The following MTUS2 variants were observed in gnomAD, a reference collection of about 807,000 sequenced individuals.
MTUS2 encodes microtubule-associated tumor suppressor candidate 2.
MTUS2 carries 40 observed loss-of-function variants against 114.1 expected under a neutral mutation model. That is an observed-to-expected ratio of 0.35 (90% CI 0.27 to 0.46). The LOEUF (loss-of-function observed/expected upper bound fraction) is 0.46. Among genes scored for constraint, MTUS2 ranks in the 20% least tolerant of loss-of-function variants. MTUS2 has a pLI of 1.00. For missense variants in MTUS2, 1,679 were observed against 1,705.4 expected (o/e 0.98, Z 0.27); for synonymous variants, 688 against 672.0 (o/e 1.02, Z -0.37).
At chr13:29,107,910 T>C (rs1890734288) in intron 5 of MTUS2, among the ~76,000 whole-genome samples, 1 of 152,220 alleles carries the variant, frequency 6.6e-6, no homozygotes, top group African/African-American at 2.4e-5. Context: ...AATGTTCTTT[T>C]AATTATTGAA....
chr13:29,347,210 T>G (rs1360508809), intron 7 of MTUS2, among the ~76,000 whole-genome samples: 1 of 152,254 alleles, frequency 6.6e-6, no homozygotes, highest in Non-Finnish European at 1.5e-5. Flanking sequence ...TGATTTCTAT[T>G]CTTTTTACTC....
intron 5 of MTUS2, among the ~76,000 whole-genome samples, chr13:29,179,371 A>G (rs1893904076): frequency 6.6e-6 from 1 of 152,212 alleles, no homozygotes; most frequent in African/African-American, 2.4e-5. Context: ...ACACACTTAA[A>G]TATAAAGGGA....
chr13:29,388,676 TAAAATTTAAA>T lies in MTUS2; in HGVS notation c.3117+29215_3117+29224del, dbSNP rs147835493. 0.013 allele frequency among the ~76,000 whole-genome samples: 1,958 copies of T among 151,952 alleles called. 87 individuals are homozygous for T. In the East Asian group the frequency reaches 0.14, roughly 11 times the overall value. ...TTAAGTCACCTTTTAAAAATAAAAT[TAAAATTTAAA>T]AAAATTTAAAATAAAAAAAATTAAG... On this transcript the variant is annotated intron_variant, in intron 8 of 15. Coordinates refer to ENST00000612955, the MANE Select transcript of MTUS2 (RefSeq NM_001033602.4).
chr13:29,133,035 T>A lies in MTUS2; in HGVS notation c.2644+32065T>A, dbSNP rs115524440. 1.0e-2 allele frequency among the ~76,000 whole-genome samples: 1,516 copies of A among 152,242 alleles called. 12 individuals are homozygous for A. Among genetic ancestry groups the A allele is most frequent in the African/African-American group, 0.034 (1,416 of 41,554 alleles). The stretch of plus-strand genomic sequence containing the variant: ...GACAACACTTGTTATTTTGTGTTTT[T>A]TTTTTTCTTAATAGTAGCCATACTA... On this transcript the variant is annotated intron_variant, in intron 5 of 15. Transcript: ENST00000612955.
chr13:29,192,955 C>T (rs1186140890), intron 5 of MTUS2, among the ~76,000 whole-genome samples: 1 of 152,034 alleles, frequency 6.6e-6, no homozygotes, highest in Non-Finnish European at 1.5e-5. Context: ...AGTTGGATGC[C>T]TAGAGGGTTG....
chr13:29,273,401 G>A (rs1245102209), intron 5 of MTUS2, among the ~76,000 whole-genome samples: 4 of 152,128 alleles, frequency 2.6e-5, no homozygotes, highest in Non-Finnish European at 5.9e-5. Context: ...CACAATGCAG[G>A]GATAGGGGAC....
intron 5 of MTUS2, among the ~76,000 whole-genome samples, chr13:29,263,580 C>T (rs971644290): frequency 6.6e-6 from 1 of 152,152 alleles, no homozygotes; most frequent in Non-Finnish European, 1.5e-5. Flanking sequence ...GGTATCAGCT[C>T]AGCTTCTGGG....
intron 2 of MTUS2, among the ~76,000 whole-genome samples, chr13:28,912,336 T>C (rs955723349): frequency 6.6e-6 from 1 of 152,224 alleles, no homozygotes; most frequent in Non-Finnish European, 1.5e-5. Flanking sequence ...TACAGTCTTA[T>C]TTCTGAGTTC....
intron 5 of MTUS2, among the ~76,000 whole-genome samples, chr13:29,241,036 G>A (rs1476181533): frequency 1.3e-5 from 2 of 151,826 alleles, no homozygotes; most frequent in Non-Finnish European, 2.9e-5. Context: ...TTTAATTATT[G>A]ACAAAGAAGA....
intron 4 of MTUS2, among the ~76,000 whole-genome samples, chr13:29,096,283 G>T (rs1436923756): frequency 1.3e-5 from 2 of 152,212 alleles, no homozygotes; most frequent in Admixed American, 1.3e-4. Context: ...GTCTCTCCCG[G>T]ATCTGTGTTA....
At chr13:29,037,445 T>C (rs190380601) in intron 4 of MTUS2, among the ~76,000 whole-genome samples, 227 of 152,328 alleles carry the variant, frequency 1.5e-3, no homozygotes, top group African/African-American at 5.2e-3. Context: ...CCCTTAACAT[T>C]TTTTCCTTCA....
At chr13:29,344,401 A>G (rs1228836693) in intron 7 of MTUS2, among the ~76,000 whole-genome samples, 3 of 152,096 alleles carry the variant, frequency 2.0e-5, no homozygotes, top group Admixed American at 6.5e-5. Flanking sequence ...TCATTACATA[A>G]TGTTCCTCTT....
intron 2 of MTUS2, among the ~76,000 whole-genome samples, chr13:29,013,577 T>C (rs531259739): frequency 6.6e-6 from 1 of 152,346 alleles, no homozygotes; most frequent in African/African-American, 2.4e-5. Flanking sequence ...GATTTGAGTT[T>C]CCCAGTGGCT....
chr13:29,184,318 C>T (rs1566053413), intron 5 of MTUS2, among the ~76,000 whole-genome samples: 1 of 152,198 alleles, frequency 6.6e-6, no homozygotes, highest in Non-Finnish European at 1.5e-5. Flanking sequence ...CTTCCAAAGG[C>T]AGTCACTGTT....
intron 5 of MTUS2, among the ~76,000 whole-genome samples, chr13:29,171,527 G>C (rs1893562590): frequency 6.6e-6 from 1 of 152,188 alleles, no homozygotes; most frequent in African/African-American, 2.4e-5. Context: ...CCTATTAGTA[G>C]TGGTGGAGGT....
intron 4 of MTUS2, among the ~76,000 whole-genome samples, chr13:29,066,213 G>A (rs1888659017): frequency 6.6e-6 from 1 of 152,138 alleles, no homozygotes; most frequent in Non-Finnish European, 1.5e-5. Context: ...CCTCTTCTCA[G>A]CCAGATGCTG....
At chr13:28,825,951 TCTTA>T (rs1455990418) in intron 1 of MTUS2, among the ~76,000 whole-genome samples, 4 of 152,208 alleles carry the variant, frequency 2.6e-5, no homozygotes, top group African/African-American at 4.8e-5. Flanking sequence ...TCATGTGGTC[TCTTA>T]CTTTGCAAGC....
chr13:29,174,893 G>A (rs1893708127), intron 5 of MTUS2, among the ~76,000 whole-genome samples: 1 of 152,178 alleles, frequency 6.6e-6, no homozygotes, highest in South Asian at 2.1e-4. Flanking sequence ...TAAAATGCCT[G>A]TGCCTGGCCA....
At chr13:28,995,080 A>AG (rs1217905846) in intron 2 of MTUS2, among the ~76,000 whole-genome samples, 1 of 152,190 alleles carries the variant, frequency 6.6e-6, no homozygotes, top group Non-Finnish European at 1.5e-5. Flanking sequence ...TTTTTGTATA[A>AG]GGTGTAAGGA....
Sources: gnomAD v4.1 joint callset for allele counts (sites outside exome capture counted in the v4.1 genomes callset) on GRCh38, gnomAD v4.1.1 for gene constraint, MANE v1.5 for transcripts, NCBI Gene and HGNC (gene_info 2026-07-23, HGNC 2026-07-21) for gene names.